Variants in PIGQ observed in about 807,000 individuals in gnomAD.
The protein encoded by PIGQ is phosphatidylinositol glycan anchor biosynthesis class Q, also known as phosphatidylinositol N-acetylglucosaminyltransferase subunit Q.
Under a neutral mutation model 60.3 loss-of-function variants are expected in PIGQ, and 54 were observed. That is an observed-to-expected ratio of 0.90 (90% CI 0.72 to 1.12). The LOEUF (loss-of-function observed/expected upper bound fraction) is 1.12, where lower values mean the gene tolerates loss of function less well. Among genes scored for constraint, PIGQ ranks in the 50% most tolerant of loss-of-function variants. PIGQ has a pLI of 0.00. For missense variants in PIGQ, 799 were observed against 793.5 expected (o/e 1.01, Z -0.08); for synonymous variants, 416 against 363.7 (o/e 1.14, Z -1.64).
chr16:581,477 T>C, intron 9 of PIGQ: 1 of 509,684 alleles, frequency 2.0e-6, no homozygotes, highest in Non-Finnish European at 2.6e-6. Flanking sequence ...GCTTTTTTTT[T>C]TTTGAGACGG....
rs564284228 is a variant in PIGQ at position 583,622 on chromosome 16, G to C, written c.*587G>C. ...TTTATTTGCGGATGTTCCCTGGAGA[G>C]GTCGCTTTGTGAAGAAACCATCAGC... On this transcript the variant is annotated 3_prime_UTR_variant, in exon 11 of 11. Coordinates refer to ENST00000321878, the MANE Select transcript of PIGQ (RefSeq NM_004204.5). 10 of 1,612,746 alleles carry C rather than the reference G, an allele frequency of 6.2e-6. No homozygotes were observed. In the South Asian group the frequency reaches 1.1e-4, roughly 18 times the overall value.
In PIGQ at chr16:574,128, G is replaced by C. The variant is rs1361335579; in HGVS notation, c.54G>C (p.Leu18=). The change falls in exon 2 of 11, where the codon CTG becomes CTC. Residue 18 remains leucine, a synonymous_variant. Transcript: ENST00000321878. ...GCTGCGTCTCGACGGACAGCGGGCT[G>C]CTGGTGGGACGGTGGGTGCCGGAGC... The part of the protein sequence containing the change: ...PTCCVSTDSG[L]LVGRWVPEQS... 6.2e-7 allele frequency: 1 copy of C among 1,611,502 alleles called. No individual in the cohort carries two copies. Among genetic ancestry groups the C allele is most frequent in the East Asian group, 2.2e-5 (1 of 44,880 alleles).
intron 4 of PIGQ, chr16:577,009 T>TGGCCA (rs917686204): frequency 6.6e-6 from 1 of 152,358 alleles, no homozygotes; most frequent in African/African-American, 2.4e-5. Context: ...GGCCTGCTTG[T>TGGCCA]GGCCAGGCCA....
At chr16:571,894 C>CTT (rs11403474) in intron 1 of PIGQ, among the ~76,000 whole-genome samples, 30 of 148,184 alleles carry the variant, frequency 2.0e-4, no homozygotes, top group East Asian at 7.9e-4. Flanking sequence ...ACACAAGGCA[C>CTT]TTTTTTTTTT....
chr16:573,389 G>T (rs1033271914), intron 1 of PIGQ, among the ~76,000 whole-genome samples: 1 of 152,120 alleles, frequency 6.6e-6, no homozygotes, highest in Admixed American at 6.5e-5. Flanking sequence ...GCACTGCCGG[G>T]TGCCACCGTG....
At chr16:582,142 C>CA in intron 9 of PIGQ, 106 bp from the exon 10 acceptor site, 1 of 838,918 alleles carries the variant, frequency 1.2e-6, no homozygotes, top group Non-Finnish European at 2.0e-6. Context: ...TGGCCACGGC[C>CA]AGCAGCACCC....
Position 583,210 on chromosome 16 carries a change from A to G in PIGQ, c.*175A>G, listed in dbSNP as rs1389493106. The G allele has an allele frequency of 6.2e-7, 1 of 1,613,196 alleles. No homozygotes were observed. The highest frequency in any genetic ancestry group is 1.7e-5 in the Admixed American group (1 of 60,028). On this transcript the variant is annotated 3_prime_UTR_variant, in exon 11 of 11. Coordinates refer to ENST00000321878, the MANE Select transcript of PIGQ (RefSeq NM_004204.5). ...GGCTTGGAGGTCATTGGGAGTGAGC[A>G]GATGTGGGGGTGGCCAGCCAGGCTG...
At chr16:580,125 G>A in intron 7 of PIGQ, 58 bp from the exon 8 acceptor site, 2 of 1,406,218 alleles carry the variant, frequency 1.4e-6, no homozygotes, top group South Asian at 1.3e-5. Context: ...GCACAGTGCT[G>A]GGCCGTCCCT....
At chr16:582,803 A>C in intron 10 of PIGQ, 80 bp from the exon 11 acceptor site, 1 of 1,447,518 alleles carries the variant, frequency 6.9e-7, no homozygotes, top group African/African-American at 1.4e-5. Context: ...CCTGCCTCAC[A>C]ACTGCCCGCC....
rs774329063 is a variant in PIGQ, at chr16:574,375, GGC to G, written c.303_304del (p.Gly102HisfsTer21). 6.2e-7 allele frequency: 1 copy of G among 1,610,528 alleles called. No individual in the cohort carries two copies. Among genetic ancestry groups the G allele is most frequent in the Non-Finnish European group, 8.5e-7 (1 of 1,179,408 alleles). ...EPWLRLCRERGGTFWSCEATH... is the reference protein window; with the variant it reads ...EPWLRLCRERXGTFWSCEATH... ...CTGGCTGCGGCTGTGCCGGGAGAGAGGCGGCACGTTCTGGAGCTGCGAGGCCA... is the reference window on the plus strand; with the variant it reads ...CTGGCTGCGGCTGTGCCGGGAGAGAGGGCACGTTCTGGAGCTGCGAGGCCA... On this transcript the variant is annotated frameshift_variant, in exon 2 of 11. Coordinates refer to ENST00000321878, the MANE Select transcript of PIGQ (RefSeq NM_004204.5). LOFTEE classifies it high-confidence loss of function.
intron 8 of PIGQ, 95 bp downstream of exon 8, chr16:580,358 C>A (rs976273337): frequency 2.0e-6 from 2 of 1,008,004 alleles, no homozygotes; most frequent in Non-Finnish European, 3.0e-6. Context: ...GGCGGGCTGT[C>A]TCCTGCTGCA....
intron 8 of PIGQ, 56 bp downstream of exon 8, chr16:580,319 CA>C (rs1373229727): frequency 1.2e-5 from 16 of 1,375,564 alleles, no homozygotes; most frequent in Non-Finnish European, 1.2e-5. Context: ...TGGCTTCTGC[CA>C]GCGCTGCCTG....
Position 579,174 on chromosome 16 carries a change from G to C in PIGQ, c.1329G>C (p.Leu443=), listed in dbSNP as rs1428992215. The change falls in exon 7 of 11, where the codon CTG becomes CTC. Residue 443 remains leucine (L), a synonymous_variant. Transcript: ENST00000321878. The stretch of plus-strand genomic sequence containing the variant: ...GCGTGGACTCCTGTTCCTATGACCT[G>C]GACCAGGTATGGGGCAGGGTTCGTG... ...RQRVDSCSYD[L]DQLFIGTLLF... 1 of 1,612,022 alleles carries C rather than the reference G, an allele frequency of 6.2e-7. No individual in the cohort carries two copies. Among genetic ancestry groups the C allele is most frequent in the East Asian group, 2.2e-5 (1 of 44,848 alleles).
Position 579,173 on chromosome 16 carries a change from T to C in PIGQ, c.1328T>C (p.Leu443Pro), listed in dbSNP as rs764261819. ...RQRVDSCSYD[L>P]DQLFIGTLLF... ...CGCGTGGACTCCTGTTCCTATGACCTGGACCAGGTATGGGGCAGGGTTCGT... is the reference window on the plus strand; with the variant it reads ...CGCGTGGACTCCTGTTCCTATGACCCGGACCAGGTATGGGGCAGGGTTCGT... Residue 443 changes from leucine to proline, a missense_variant, in exon 7 of 11, where the codon CTG (leucine) becomes CCG (proline). By Grantham distance (98) the Leu-to-Pro change is moderately conservative. Coordinates refer to ENST00000321878, the MANE Select transcript of PIGQ (RefSeq NM_004204.5). 1.9e-6 allele frequency: 3 copies of C among 1,611,378 alleles called. No homozygotes were observed. The highest frequency in any genetic ancestry group is 2.5e-6 in the Non-Finnish European group (3 of 1,178,438).
At chr16:575,403 AG>A (rs2035700666) in intron 2 of PIGQ, among the ~76,000 whole-genome samples, 1 of 152,168 alleles carries the variant, frequency 6.6e-6, no homozygotes, top group Non-Finnish European at 1.5e-5. Context: ...GGGAGCAGCT[AG>A]GGGTCACCTG....
chr16:572,234 T>A (rs4984891), intron 1 of PIGQ, among the ~76,000 whole-genome samples: 67,119 of 152,102 alleles, frequency 0.44, 15,211 homozygotes, highest in East Asian at 0.63. Flanking sequence ...ACTTTGTCCC[T>A]CTCACGATGT....
In PIGQ at chr16:578,492, C is replaced by G. The variant is rs991133274; in HGVS notation, c.1056C>G (p.Ile352Met). Reference protein sequence around the residue: ...QVLGRFFLYHIHLWISYIHLM... With the variant: ...QVLGRFFLYHMHLWISYIHLM... Reference sequence around the variant, plus strand: ...TGGGCCGCTTCTTCCTCTACCACATCCACCTGTGGATCAGTGAGTGCAGGG... The same window carrying G: ...TGGGCCGCTTCTTCCTCTACCACATGCACCTGTGGATCAGTGAGTGCAGGG... The change falls in exon 5 of 11, where the codon ATC becomes ATG. Residue 352 changes from isoleucine (I) to methionine (M), a missense_variant. Coordinates refer to ENST00000321878, the MANE Select transcript of PIGQ (RefSeq NM_004204.5). 1 of 1,612,454 alleles carries G rather than the reference C, an allele frequency of 6.2e-7. No individual in the cohort carries two copies. Among genetic ancestry groups the G allele is most frequent in the Non-Finnish European group, 8.5e-7 (1 of 1,179,838 alleles).
At position 582,236 on chromosome 16, in the gene PIGQ, C is replaced by T; in HGVS notation, c.1532-12C>T. The T allele has an allele frequency of 6.3e-7, 1 of 1,577,280 alleles. No individual in the cohort carries two copies. The highest frequency in any genetic ancestry group is 8.7e-7 in the Non-Finnish European group (1 of 1,155,898). The stretch of plus-strand genomic sequence containing the variant: ...CACGCGTCCCCTCGTCAGCCGCTTG[C>T]TATCCTTGCAGCTGGCGTGAAGTTC... On this transcript the variant is annotated splice_polypyrimidine_tract_variant and intron_variant, in intron 9 of 10. Coordinates refer to ENST00000321878, the MANE Select transcript of PIGQ (RefSeq NM_004204.5).
chr16:576,203 C>T lies in PIGQ; in HGVS notation c.891C>T (p.His297=), dbSNP rs1197256493. Residue 297 remains histidine (H), a synonymous_variant, in exon 4 of 11, where the codon CAC becomes CAT. Transcript: ENST00000321878. Reference sequence around the variant, plus strand: ...GCCTCATGCTGCTGTCCTGGCTCCACGGGAGAAGCCGCATCGGGCATCTGG... The same window carrying T: ...GCCTCATGCTGCTGTCCTGGCTCCATGGGAGAAGCCGCATCGGGCATCTGG... ...ALGLMLLSWL[H]GRSRIGHLAD... is the part of the protein sequence containing the mutation. The T allele has an allele frequency of 1.0e-5, 16 of 1,550,234 alleles. No homozygotes were observed. Among genetic ancestry groups the T allele is most frequent in the African/African-American group, 4.1e-5 (3 of 73,124 alleles).
Sources: allele counts gnomAD v4.1 joint callset (sites outside exome capture counted in the v4.1 genomes callset), GRCh38; gene constraint gnomAD v4.1.1; transcripts MANE v1.5; gene names NCBI Gene and HGNC (gene_info 2026-07-23, HGNC 2026-07-21).